Variants in PTPRD observed in about 807,000 individuals in gnomAD.
PTPRD encodes receptor-type tyrosine-protein phosphatase delta.
In PTPRD, 34 loss-of-function variants were observed where a neutral mutation model predicts 214.5. The ratio of observed to expected loss-of-function variants is 0.16; its 90% CI spans 0.12 to 0.21. The LOEUF (loss-of-function observed/expected upper bound fraction) is 0.21, where lower values mean the gene tolerates loss of function less well. Ranked by LOEUF, PTPRD falls within the 10% of genes least tolerant of loss-of-function variation. The pLI is 1.00. For missense variants in PTPRD, 2,545 were observed against 2,398.7 expected (o/e 1.06, Z -1.27); for synonymous variants, 1,128 against 845.7 (o/e 1.33, Z -5.79).
chr9:10,428,762 T>A lies in PTPRD; in HGVS notation c.-599-87745A>T, dbSNP rs569331889. Among the ~76,000 whole-genome samples, 4 of 152,212 alleles carry A rather than the reference T, an allele frequency of 2.6e-5. No individual in the cohort carries two copies. The East Asian group carries it at 7.8e-4, about 30-fold the overall frequency. ...TCCATGGTCTAAACTTTTGGAATAA[T>A]GAGTGACTGTATTTGTGAGGGGAAT... On this transcript the variant is annotated intron_variant, in intron 2 of 45. Coordinates refer to ENST00000381196, the MANE Select transcript of PTPRD (RefSeq NM_002839.4).
intron 11 of PTPRD, among the ~76,000 whole-genome samples, chr9:8,878,600 T>A (rs919030686): frequency 1.9e-4 from 29 of 152,188 alleles, no homozygotes; most frequent in African/African-American, 7.0e-4. Flanking sequence ...GATCAATAGC[T>A]CATCGTGGTC....
chr9:10,221,566 A>G lies in PTPRD; in HGVS notation c.-545+119397T>C, dbSNP rs560228981. Among the ~76,000 whole-genome samples the G allele has an allele frequency of 3.3e-5, 5 of 152,142 alleles. No homozygotes were observed. The East Asian group carries it at 7.8e-4, about 24-fold the overall frequency. ...GCTATTCCTTAGAGTCCCTGAGCCA[A>G]TAGGAATGCATTTATTTTTATGAAT... On this transcript the variant is annotated intron_variant, in intron 3 of 45. Transcript: ENST00000381196.
intron 11 of PTPRD, among the ~76,000 whole-genome samples, chr9:8,776,967 C>T (rs1338629677): frequency 1.4e-5 from 2 of 147,152 alleles, no homozygotes; most frequent in African/African-American, 5.0e-5. Context: ...TAAATATATT[C>T]TATTCATATA....
intron 3 of PTPRD, among the ~76,000 whole-genome samples, chr9:10,091,333 G>C (rs1177695340): frequency 6.6e-6 from 1 of 151,552 alleles, no homozygotes; most frequent in East Asian, 2.0e-4. Flanking sequence ...ATTGAGAAGA[G>C]TTAATTATTT....
At chr9:9,588,348 T>C (rs1021623552) in intron 7 of PTPRD, among the ~76,000 whole-genome samples, 6 of 151,986 alleles carry the variant, frequency 3.9e-5, no homozygotes, top group African/African-American at 1.4e-4. Flanking sequence ...TTACATTTTC[T>C]ATTTTGACAG....
rs190818433 is a variant in PTPRD, at chr9:9,656,555, T to A, written c.-287+77978A>T. 4.4e-3 allele frequency among the ~76,000 whole-genome samples: 667 copies of A among 152,170 alleles called. 3 individuals carry two copies. The highest frequency in any genetic ancestry group is 6.2e-3 in the Non-Finnish European group (423 of 67,970). The stretch of plus-strand genomic sequence containing the variant: ...TCCAATTACATGAAATTCTAAAAAA[T>A]AATAAATAAATAAAGGCAATACTAT... On this transcript the variant is annotated intron_variant, in intron 7 of 45. Coordinates refer to ENST00000381196, the MANE Select transcript of PTPRD (RefSeq NM_002839.4).
At chr9:9,138,265 C>T (rs928807624) in intron 10 of PTPRD, among the ~76,000 whole-genome samples, 9 of 151,980 alleles carry the variant, frequency 5.9e-5, no homozygotes, top group African/African-American at 2.2e-4. Context: ...GCTTTATCAT[C>T]TCCTAAATAG....
At chr9:10,289,949 AT>A (rs1565068312) in intron 3 of PTPRD, among the ~76,000 whole-genome samples, 1 of 152,074 alleles carries the variant, frequency 6.6e-6, no homozygotes, top group African/African-American at 2.4e-5. Flanking sequence ...TTATAGTTAA[AT>A]TTTCATATAT....
intron 5 of PTPRD, among the ~76,000 whole-genome samples, chr9:9,878,011 C>T (rs1212616985): frequency 6.7e-6 from 1 of 148,584 alleles, no homozygotes; most frequent in Non-Finnish European, 1.5e-5. Context: ...GTTTGCCCTT[C>T]TCACTATATC....
At chr9:10,189,316 G>C (rs1160257902) in intron 3 of PTPRD, among the ~76,000 whole-genome samples, 1 of 152,114 alleles carries the variant, frequency 6.6e-6, no homozygotes, top group Admixed American at 6.6e-5. Context: ...AACATATGTG[G>C]AGTTGGTGCT....
intron 12 of PTPRD, among the ~76,000 whole-genome samples, chr9:8,676,642 C>T (rs1004694461): frequency 4.6e-5 from 7 of 152,086 alleles, no homozygotes; most frequent in East Asian, 1.9e-4. Flanking sequence ...GGCGCGATCT[C>T]GGCTCACCGC....
intron 8 of PTPRD, among the ~76,000 whole-genome samples, chr9:9,537,211 G>A (rs10491610): frequency 2.0e-5 from 3 of 151,644 alleles, no homozygotes; most frequent in Admixed American, 6.6e-5. Flanking sequence ...TCCTACCAAG[G>A]TGTATGATAT....
chr9:9,066,541 T>G (rs1240213438), intron 10 of PTPRD, among the ~76,000 whole-genome samples: 1 of 131,032 alleles, frequency 7.6e-6, no homozygotes, highest in Non-Finnish European at 1.7e-5. Context: ...TGACCTCATA[T>G]GACCAACAAC....
intron 11 of PTPRD, among the ~76,000 whole-genome samples, chr9:8,937,086 T>TA (rs1464035004): frequency 1.4e-3 from 1 of 690 alleles, no homozygotes; most frequent in East Asian, 0.25. Context: ...GAAATGGTAG[T>TA]TTTTTTACCG....
In PTPRD at chr9:9,062,762, T is replaced by G. The variant is rs78276472; in HGVS notation, c.-142-44027A>C. On this transcript the variant is annotated intron_variant, in intron 10 of 45. Coordinates refer to ENST00000381196, the MANE Select transcript of PTPRD (RefSeq NM_002839.4). ...TAAATATCATATGGCTGCTTATATCTATCATTTGGTTTCTACCTTTATCTA... is the reference window on the plus strand; with the variant it reads ...TAAATATCATATGGCTGCTTATATCGATCATTTGGTTTCTACCTTTATCTA... Among the ~76,000 whole-genome samples, 413 of 152,342 alleles carry G rather than the reference T, an allele frequency of 2.7e-3. 2 individuals carry two copies. Among genetic ancestry groups the G allele is most frequent in the African/African-American group, 9.5e-3 (393 of 41,582 alleles).
chr9:9,672,300 T>A (rs1418233832), intron 7 of PTPRD, among the ~76,000 whole-genome samples: 1 of 152,114 alleles, frequency 6.6e-6, no homozygotes, highest in African/African-American at 2.4e-5. Flanking sequence ...GATGTATGGT[T>A]TATGATGGGC....
chr9:10,492,929 A>C (rs1245594858), intron 2 of PTPRD, among the ~76,000 whole-genome samples: 1 of 152,108 alleles, frequency 6.6e-6, no homozygotes, highest in African/African-American at 2.4e-5. Flanking sequence ...TCAATGTGCA[A>C]AAATCACAAG....
rs142488842 is a variant in PTPRD, at chr9:8,836,933, G to C, written c.-103-102987C>G. ...CTTCTAAGACCAAGTCCCATCTCAA[G>C]CTAACCCCCCAATACCTACCATTAA... On this transcript the variant is annotated intron_variant, in intron 11 of 45. Coordinates refer to ENST00000381196, the MANE Select transcript of PTPRD (RefSeq NM_002839.4). 8.0e-3 allele frequency among the ~76,000 whole-genome samples: 1,214 copies of C among 151,428 alleles called. 6 individuals carry two copies. The highest frequency in any genetic ancestry group is 0.013 in the Non-Finnish European group (854 of 67,880).
Position 8,452,694 on chromosome 9 carries a change from G to C in PTPRD, c.3876-2857C>G, listed in dbSNP as rs537380700. On this transcript the variant is annotated intron_variant, in intron 33 of 45. Transcript: ENST00000381196. ...GAGTTATGTAGGTGAAAAGGAAATG[G>C]AAGATCACTTGACATTTTGGATCTG... Among the ~76,000 whole-genome samples, 10 of 152,246 alleles carry C rather than the reference G, an allele frequency of 6.6e-5. No individual in the cohort carries two copies. The South Asian group carries it at 1.2e-3, about 19-fold the overall frequency.
Sources: gnomAD v4.1 joint callset for allele counts (sites outside exome capture counted in the v4.1 genomes callset) on GRCh38, gnomAD v4.1.1 for gene constraint, MANE v1.5 for transcripts, NCBI Gene and HGNC (gene_info 2026-07-23, HGNC 2026-07-21) for gene names.